AGAP1: variants seen among roughly 807,000 people sequenced by gnomAD.
AGAP1 encodes arf-GAP with GTPase, ANK repeat and PH domain-containing protein 1.
AGAP1 carries 29 observed loss-of-function variants against 105.3 expected under a neutral mutation model. The observed-to-expected ratio is 0.28, with a 90% CI of 0.21 to 0.38. The LOEUF is 0.38. Ranked by LOEUF, AGAP1 falls within the 10% of genes least tolerant of loss-of-function variation. The pLI is 1.00. For synonymous variants in AGAP1, 509 were observed against 485.9 expected (o/e 1.05, Z -0.63); for missense variants, 998 against 1,165.1 (o/e 0.86, Z 2.09).
intron 1 of AGAP1, among the ~76,000 whole-genome samples, chr2:235,514,539 G>A (rs1942300303): frequency 6.6e-6 from 1 of 152,228 alleles, no homozygotes. Flanking sequence ...CTCTGTCTGG[G>A]GCCCTGCCTG....
intron 16 of AGAP1, among the ~76,000 whole-genome samples, chr2:236,084,567 T>TTGAAACAAATCTGTCA (rs1329922660): frequency 1.3e-5 from 2 of 152,214 alleles, no homozygotes; most frequent in East Asian, 3.9e-4. Flanking sequence ...CATTGAAACC[T>TTGAAACAAATCTGTCA]TGAAACAAAT....
At chr2:236,086,254 T>A (rs1276135893) in intron 16 of AGAP1, among the ~76,000 whole-genome samples, 1 of 152,248 alleles carries the variant, frequency 6.6e-6, no homozygotes, top group Non-Finnish European at 1.5e-5. Context: ...TCAGTGGTAC[T>A]AACGTGCCCC....
intron 1 of AGAP1, among the ~76,000 whole-genome samples, chr2:235,676,526 C>T (rs575899983): frequency 1.3e-5 from 2 of 152,236 alleles, no homozygotes; most frequent in African/African-American, 4.8e-5. Context: ...AGGAGTTTAC[C>T]AGGTAGAGAA....
chr2:235,796,731 A>T (rs1957261359), intron 6 of AGAP1, among the ~76,000 whole-genome samples: 1 of 152,194 alleles, frequency 6.6e-6, no homozygotes, highest in Admixed American at 6.5e-5. Context: ...ATTGCTGGGG[A>T]GAGATGACAA....
At chr2:235,500,632 G>A (rs527314299) in intron 1 of AGAP1, among the ~76,000 whole-genome samples, 13 of 152,314 alleles carry the variant, frequency 8.5e-5, no homozygotes, top group Middle Eastern at 3.4e-3. Flanking sequence ...TTGTGGTCAC[G>A]CAGGCTAAGT....
At chr2:235,944,727 G>C (rs1399887434) in intron 12 of AGAP1, among the ~76,000 whole-genome samples, 1 of 152,202 alleles carries the variant, frequency 6.6e-6, no homozygotes, top group African/African-American at 2.4e-5. Context: ...GGTACGAGGG[G>C]AACTGGAGTC....
intron 9 of AGAP1, among the ~76,000 whole-genome samples, chr2:235,847,023 C>T (rs1260711135): frequency 6.6e-6 from 1 of 152,206 alleles, no homozygotes; most frequent in Non-Finnish European, 1.5e-5. Flanking sequence ...CCAGGTTCGA[C>T]ATGTTGAGCA....
intron 9 of AGAP1, among the ~76,000 whole-genome samples, chr2:235,827,918 TGCACTGGCTTCTGGGAA>T (rs372511031): frequency 4.3e-4 from 65 of 152,334 alleles, no homozygotes; most frequent in African/African-American, 1.4e-3. Context: ...CGAGGGAGGC[TGCACTGGCTTCTGGGAA>T]GCGCTGGTTT....
intron 1 of AGAP1, among the ~76,000 whole-genome samples, chr2:235,678,098 G>A (rs1009983962): frequency 2.6e-5 from 4 of 152,192 alleles, no homozygotes; most frequent in Admixed American, 2.0e-4. Flanking sequence ...GAGCCTGCGC[G>A]GCGCTGGCTT....
chr2:236,066,173 T>G (rs975669014), intron 16 of AGAP1, among the ~76,000 whole-genome samples: 1 of 152,260 alleles, frequency 6.6e-6, no homozygotes, highest in Non-Finnish European at 1.5e-5. Flanking sequence ...AGCCCTGATT[T>G]GCAGGCTGCA....
In AGAP1 at chr2:235,705,819, C is replaced by T. The variant is rs1950506998; in HGVS notation, c.164-3360C>T. Among the ~76,000 whole-genome samples, 1 of 152,192 alleles carries T rather than the reference C, an allele frequency of 6.6e-6. No individual in the cohort carries two copies. The highest frequency in any genetic ancestry group is 2.1e-4 in the South Asian group (1 of 4,830). The stretch of plus-strand genomic sequence containing the variant: ...TATTTGCAAGTAAAAAGATGCTTCA[C>T]ATTGTTCCAATGTTTATATAATCAT... On this transcript the variant is annotated intron_variant, in intron 1 of 17. Coordinates refer to ENST00000304032, the MANE Select transcript of AGAP1 (RefSeq NM_001037131.3). This position sits in a 1 kb window ranked among gnomAD's most constrained non-coding sequence, Gnocchi z 4.9.
chr2:235,925,171 C>T (rs10182604), intron 11 of AGAP1, among the ~76,000 whole-genome samples: 48,520 of 151,990 alleles, frequency 0.32, 8,776 homozygotes, highest in Admixed American at 0.46. Context: ...CTTGTATTTG[C>T]GCGTGACTTG....
Position 235,874,762 on chromosome 2 carries a change from A to T in AGAP1, c.1051-8583A>T, listed in dbSNP as rs79979842. 0.019 allele frequency among the ~76,000 whole-genome samples: 2,819 copies of T among 152,324 alleles called. 78 individuals are homozygous for T. Among genetic ancestry groups the T allele is most frequent in the African/African-American group, 0.065 (2,693 of 41,552 alleles). ...GAGAAGGCACTCATGTATAGAACTC[A>T]TTACAAAGATAGCATTACTCCTAGA... On this transcript the variant is annotated intron_variant, in intron 9 of 17. Transcript: ENST00000304032. The surrounding 1 kb of genome is among the most constrained non-coding windows in gnomAD (Gnocchi z 4.5).
At chr2:235,876,059 C>CA (rs565984248) in intron 9 of AGAP1, among the ~76,000 whole-genome samples, 5 of 152,162 alleles carry the variant, frequency 3.3e-5, no homozygotes, top group Admixed American at 6.5e-5. Flanking sequence ...TGACTTGTTT[C>CA]CAGGGTAAGG....
intron 12 of AGAP1, among the ~76,000 whole-genome samples, chr2:235,939,840 G>A (rs749120582): frequency 6.6e-5 from 10 of 152,136 alleles, no homozygotes; most frequent in Non-Finnish European, 1.2e-4. Flanking sequence ...GACCTCAGAC[G>A]ATAGATGTGG....
chr2:235,966,272 A>AG (rs57083060), intron 12 of AGAP1, among the ~76,000 whole-genome samples: 1 of 94,238 alleles, frequency 1.1e-5, no homozygotes, highest in Non-Finnish European at 2.2e-5. Context: ...GATGGAGGAG[A>AG]GGGGGGCCTG....
chr2:235,760,564 G>A (rs1047619065), intron 6 of AGAP1, among the ~76,000 whole-genome samples: 1 of 152,118 alleles, frequency 6.6e-6, no homozygotes, highest in African/African-American at 2.4e-5. Flanking sequence ...CTTGTTTCTT[G>A]TTTAGAGTTG....
At position 235,525,503 on chromosome 2, in the gene AGAP1, T is replaced by C. The variant is rs184649236; in HGVS notation, c.163+30654T>C. Among the ~76,000 whole-genome samples the C allele has an allele frequency of 4.8e-3, 704 of 146,206 alleles. 7 individuals carry two copies. The highest frequency in any genetic ancestry group is 0.016 in the African/African-American group (632 of 39,092). On this transcript the variant is annotated intron_variant, in intron 1 of 17. Transcript: ENST00000304032. ...CATAACGTGGAGGACTGATACATAA[T>C]GTGGAGGACTGATACATAATGTGGA...
intron 1 of AGAP1, among the ~76,000 whole-genome samples, chr2:235,576,646 C>T (rs929027297): frequency 2.6e-5 from 4 of 152,198 alleles, no homozygotes; most frequent in Non-Finnish European, 5.9e-5. Flanking sequence ...AGGGCAGGTT[C>T]GAGTCCCGCA....
Sources: allele counts gnomAD v4.1 joint callset (sites outside exome capture counted in the v4.1 genomes callset), GRCh38; gene constraint gnomAD v4.1.1; non-coding constraint Gnocchi (gnomAD v3.1); transcripts MANE v1.5; gene names NCBI Gene and HGNC (gene_info 2026-07-23, HGNC 2026-07-21).